Variants in GRIK2 observed in about 807,000 individuals in gnomAD.
The protein encoded by GRIK2 is glutamate ionotropic receptor kainate type subunit 2, also known as glutamate receptor ionotropic, kainate 2.
In GRIK2, 32 loss-of-function variants were observed where a neutral mutation model predicts 100.3. The observed-to-expected ratio is 0.32, with a 90% CI of 0.24 to 0.43. The LOEUF (loss-of-function observed/expected upper bound fraction) is 0.43. GRIK2 is among the 20% of genes least tolerant of loss of function. The probability of loss-of-function intolerance (pLI) is 1.00; values close to 1 mark genes in which losing one functional copy is unlikely to be tolerated. For missense variants in GRIK2, 843 were observed against 1,114.9 expected (o/e 0.76, Z 3.47); for synonymous variants, 417 against 389.4 (o/e 1.07, Z -0.83).
At chr6:101,545,790 G>A (rs1392537282) in intron 2 of GRIK2, among the ~76,000 whole-genome samples, 2 of 152,020 alleles carry the variant, frequency 1.3e-5, no homozygotes, top group East Asian at 1.9e-4. Context: ...TTCTCATAGC[G>A]ATTTTCTAAT....
chr6:102,053,500 G>A (rs1441282564), intron 15 of GRIK2, among the ~76,000 whole-genome samples: 4 of 152,116 alleles, frequency 2.6e-5, no homozygotes, highest in Non-Finnish European at 5.9e-5. Flanking sequence ...CTCAGAATAT[G>A]CAAACATTTG....
chr6:102,052,896 T>A (rs1296743874), intron 15 of GRIK2, among the ~76,000 whole-genome samples: 1 of 152,036 alleles, frequency 6.6e-6, no homozygotes, highest in Non-Finnish European at 1.5e-5. Context: ...CTGGGCAACA[T>A]GGTGAAACCC....
intron 6 of GRIK2, among the ~76,000 whole-genome samples, chr6:101,683,259 G>GC (rs1286491315): frequency 1.3e-5 from 2 of 152,052 alleles, no homozygotes; most frequent in East Asian, 3.9e-4. Flanking sequence ...TGTTATCTCA[G>GC]CTGTATTCAC....
At chr6:102,041,284 C>G (rs1335032) in intron 15 of GRIK2, among the ~76,000 whole-genome samples, 42,155 of 151,432 alleles carry the variant, frequency 0.28, 5,945 homozygotes, top group East Asian at 0.31. Flanking sequence ...AGAGTTCTGA[C>G]AGATTTTATA....
intron 2 of GRIK2, among the ~76,000 whole-genome samples, chr6:101,575,045 A>G (rs1390483236): frequency 6.6e-6 from 1 of 151,720 alleles, no homozygotes; most frequent in Non-Finnish European, 1.5e-5. Flanking sequence ...ATATGATTTA[A>G]TATTTATTTA....
chr6:101,496,900 T>A (rs1773474628), intron 2 of GRIK2, among the ~76,000 whole-genome samples: 1 of 152,314 alleles, frequency 6.6e-6, no homozygotes, highest in South Asian at 2.1e-4. Context: ...GTTTGAGAAA[T>A]AACGTTGTTG....
chr6:102,055,058 T>G (rs1771397729), intron 15 of GRIK2, among the ~76,000 whole-genome samples: 1 of 152,182 alleles, frequency 6.6e-6, no homozygotes, highest in Non-Finnish European at 1.5e-5. Context: ...TTTCTTACTG[T>G]TTTACAATGC....
chr6:101,671,591 C>T (rs1770435935), intron 4 of GRIK2, among the ~76,000 whole-genome samples: 1 of 152,124 alleles, frequency 6.6e-6, no homozygotes. Context: ...AAGGGCTGGG[C>T]ACGGTGGCTC....
intron 14 of GRIK2, among the ~76,000 whole-genome samples, chr6:102,030,565 T>C (rs1434902548): frequency 6.6e-6 from 1 of 151,194 alleles, no homozygotes; most frequent in Non-Finnish European, 1.5e-5. Flanking sequence ...CCAAAGGAAA[T>C]TATTCAGTTT....
chr6:101,490,304 A>G lies in GRIK2; in HGVS notation c.115+90912A>G, dbSNP rs778620790. ...GGGAATACTAATACCTCCAGTTTGCATATAAGAAAACAAAGATATAGAAAA... is the reference window on the plus strand; with the variant it reads ...GGGAATACTAATACCTCCAGTTTGCGTATAAGAAAACAAAGATATAGAAAA... On this transcript the variant is annotated intron_variant, in intron 2 of 16. Transcript: ENST00000369134. 5.5e-5 allele frequency among the ~76,000 whole-genome samples: 8 copies of G among 146,556 alleles called. 2 individuals are homozygous for G. Among genetic ancestry groups the G allele is most frequent in the Non-Finnish European group, 1.2e-4 (8 of 66,744 alleles).
intron 2 of GRIK2, among the ~76,000 whole-genome samples, chr6:101,441,110 C>T (rs1770025073): frequency 6.6e-6 from 1 of 151,894 alleles, no homozygotes; most frequent in Non-Finnish European, 1.5e-5. Flanking sequence ...TCCTAGAGCA[C>T]TGGGATTACA....
intron 4 of GRIK2, among the ~76,000 whole-genome samples, chr6:101,675,271 A>G (rs1770739253): frequency 1.4e-5 from 2 of 147,598 alleles, no homozygotes; most frequent in African/African-American, 5.0e-5. Flanking sequence ...CAGTACATGT[A>G]CGCACACGCG....
intron 14 of GRIK2, among the ~76,000 whole-genome samples, chr6:102,026,793 G>C (rs1410814501): frequency 6.6e-6 from 1 of 151,168 alleles, no homozygotes; most frequent in African/African-American, 2.4e-5. Context: ...CAGATGCCTT[G>C]AGATAACACT....
chr6:101,555,369 C>T (rs989942772), intron 2 of GRIK2, among the ~76,000 whole-genome samples: 1 of 152,128 alleles, frequency 6.6e-6, no homozygotes, highest in African/African-American at 2.4e-5. Flanking sequence ...TTATGGCAAG[C>T]AGCACACATG....
At chr6:101,701,027 T>C (rs1219750267) in intron 7 of GRIK2, among the ~76,000 whole-genome samples, 2 of 152,100 alleles carry the variant, frequency 1.3e-5, no homozygotes, top group Admixed American at 6.6e-5. Context: ...GAGATGGTAT[T>C]GATTGCAAAC....
chr6:101,734,175 G>A (rs1479372145), intron 7 of GRIK2, among the ~76,000 whole-genome samples: 2 of 152,062 alleles, frequency 1.3e-5, no homozygotes, highest in African/African-American at 4.8e-5. Context: ...CAAAGAAACA[G>A]TACCAACAGA....
At chr6:101,872,989 C>A (rs917886651) in intron 11 of GRIK2, among the ~76,000 whole-genome samples, 13 of 151,822 alleles carry the variant, frequency 8.6e-5, no homozygotes, top group Admixed American at 5.3e-4. Context: ...GTGAAGATTT[C>A]TTGATTCTGG....
At chr6:101,700,580 A>C (rs144662209) in intron 7 of GRIK2, among the ~76,000 whole-genome samples, 1 of 152,276 alleles carries the variant, frequency 6.6e-6, no homozygotes, top group African/African-American at 2.4e-5. Flanking sequence ...AAGTCTCACA[A>C]AAATGCTGTA....
At chr6:101,810,733 T>C (rs999544386) in intron 9 of GRIK2, among the ~76,000 whole-genome samples, 4 of 147,638 alleles carry the variant, frequency 2.7e-5, no homozygotes, top group Non-Finnish European at 1.5e-5. Context: ...TATTAGACGG[T>C]AATGCAACTA....
Sources: allele counts gnomAD v4.1 joint callset (sites outside exome capture counted in the v4.1 genomes callset), GRCh38; gene constraint gnomAD v4.1.1; transcripts MANE v1.5; gene names NCBI Gene and HGNC (gene_info 2026-07-23, HGNC 2026-07-21).